The following MINAR1 variants were observed in gnomAD, a reference collection of about 807,000 sequenced individuals.
MINAR1 encodes the protein major intrinsically disordered Notch2-binding receptor 1.
MINAR1 carries 40 observed loss-of-function variants against 65.1 expected under a neutral mutation model. That is an observed-to-expected ratio of 0.61 (90% CI 0.48 to 0.80). MINAR1 has a LOEUF of 0.80. Ranked by LOEUF, MINAR1 falls within the 30% of genes least tolerant of loss-of-function variation. The probability of loss-of-function intolerance (pLI) is 0.00; values close to 1 mark genes in which losing one functional copy is unlikely to be tolerated. For missense variants in MINAR1, 1,128 were observed against 1,148.0 expected (o/e 0.98, Z 0.25); for synonymous variants, 482 against 449.1 (o/e 1.07, Z -0.93).
In MINAR1 at chr15:79,469,584, AT is replaced by A. The variant is rs1304101738; in HGVS notation, c.*1205del. ...GTCTATCTATCTATCTAAATACTTG[AT>A]TTTTATTTATTGTCTTCTCTGTTAA... On this transcript the variant is annotated 3_prime_UTR_variant, in exon 4 of 4. Coordinates refer to ENST00000305428, the MANE Select transcript of MINAR1 (RefSeq NM_015206.3). The A allele has an allele frequency of 6.6e-6, 1 of 152,366 alleles. No individual in the cohort carries two copies. Among genetic ancestry groups the A allele is most frequent in the African/African-American group, 2.4e-5 (1 of 41,334 alleles). The allele number at this position is 152,366 out of a possible 1,614,324, so 9.4% of individuals were successfully genotyped here.
At chr15:79,447,982 G>C (rs1335833770) in intron 1 of MINAR1, among the ~76,000 whole-genome samples, 2 of 152,054 alleles carry the variant, frequency 1.3e-5, no homozygotes, top group African/African-American at 4.8e-5. Flanking sequence ...ATCTACCTTA[G>C]AAGGACCATC....
chr15:79,425,426 T>C, the MINAR1 span: 1 of 152,300 alleles, frequency 6.6e-6, no homozygotes, highest in East Asian at 1.9e-4. Context: ...ATGCCCAAAA[T>C]ATATTGATTT....
intron 2 of MINAR1, among the ~76,000 whole-genome samples, chr15:79,462,528 CA>C (rs1895684305): frequency 6.6e-6 from 1 of 152,208 alleles, no homozygotes; most frequent in African/African-American, 2.4e-5. Flanking sequence ...AGGCTCCCAA[CA>C]TGTGCTTTCT....
intron 1 of MINAR1, among the ~76,000 whole-genome samples, chr15:79,453,087 T>TGC (rs1895291069): frequency 6.6e-6 from 1 of 151,966 alleles, no homozygotes; most frequent in Non-Finnish European, 1.5e-5. Context: ...CAGACTGTGA[T>TGC]GCATTATGCT....
chr15:79,453,433 C>T (rs957187747), intron 1 of MINAR1, among the ~76,000 whole-genome samples: 3 of 152,076 alleles, frequency 2.0e-5, no homozygotes, highest in East Asian at 1.9e-4. Flanking sequence ...TCCTCAGTTT[C>T]CTTATCTGTA....
In MINAR1 at chr15:79,458,191, T is replaced by C; in HGVS notation, c.2044T>C (p.Cys682Arg). The C allele has an allele frequency of 6.2e-7, 1 of 1,614,060 alleles. No individual in the cohort carries two copies. Among genetic ancestry groups the C allele is most frequent in the Non-Finnish European group, 8.5e-7 (1 of 1,180,028 alleles). Reference sequence around the variant, plus strand: ...CAAACTAGAGAACAACCCTGACTGGTGCTGCTCTGATGCTAGCGGGAGCAA... The same window carrying C: ...CAAACTAGAGAACAACCCTGACTGGCGCTGCTCTGATGCTAGCGGGAGCAA... ...GPKLENNPDW[C>R]CSDASGSNSE... The change falls in exon 2 of 4, where the codon TGC becomes CGC. Residue 682 changes from cysteine to arginine, a missense_variant. By Grantham distance (180) the Cys-to-Arg change is radical. Transcript: ENST00000305428.
chr15:79,435,027 C>A (rs1453714050), intron 1 of MINAR1, among the ~76,000 whole-genome samples: 1 of 152,194 alleles, frequency 6.6e-6, no homozygotes, highest in Non-Finnish European at 1.5e-5. Context: ...GTAATCCCAG[C>A]ACTTTAGGAG....
At chr15:79,435,768 G>C (rs578024272) in intron 1 of MINAR1, among the ~76,000 whole-genome samples, 1 of 152,220 alleles carries the variant, frequency 6.6e-6, no homozygotes, top group African/African-American at 2.4e-5. Flanking sequence ...TATCTCTAGT[G>C]CCTGGCACAG....
chr15:79,471,355 ATCTTCTT>A lies in MINAR1; in HGVS notation c.*2974_*2980del, dbSNP rs1482805582. On this transcript the variant is annotated 3_prime_UTR_variant, in exon 4 of 4. Coordinates refer to ENST00000305428, the MANE Select transcript of MINAR1 (RefSeq NM_015206.3). ...CAATGATTAAATTCATAATCATTTCATCTTCTTTCATAATCATTTCATCTTCTAATCT... is the reference window on the plus strand; with the variant it reads ...CAATGATTAAATTCATAATCATTTCATCATAATCATTTCATCTTCTAATCT... The A allele has an allele frequency of 1.3e-5, 2 of 152,634 alleles. No individual in the cohort carries two copies. Among genetic ancestry groups the A allele is most frequent in the African/African-American group, 4.8e-5 (2 of 41,442 alleles). The allele number at this position is 152,634 out of a possible 1,614,324, so 9.5% of individuals were successfully genotyped here.
chr15:79,447,590 G>A (rs1895059876), intron 1 of MINAR1, among the ~76,000 whole-genome samples: 1 of 152,132 alleles, frequency 6.6e-6, no homozygotes, highest in East Asian at 1.9e-4. Flanking sequence ...CCTTAAGGTG[G>A]ATTCTTTTCT....
At position 79,458,381 on chromosome 15, in the gene MINAR1, A is replaced by G. The variant is rs753245217; in HGVS notation, c.2234A>G (p.Asn745Ser). The change falls in exon 2 of 4, where the codon AAT (asparagine) becomes AGT (serine). Residue 745 changes from asparagine (N) to serine (S), a missense_variant. Transcript: ENST00000305428. Reference sequence around the variant, plus strand: ...ACTTATACCAACCGTGTGGGCCTCAATGAGGAGGAGATAAAAGACACAGGC... The same window carrying G: ...ACTTATACCAACCGTGTGGGCCTCAGTGAGGAGGAGATAAAAGACACAGGC... ...TITYTNRVGL[N>S]EEEIKDTGPG... is the part of the protein sequence containing the mutation. 26 of 1,614,214 alleles carry G rather than the reference A, an allele frequency of 1.6e-5. No homozygotes were observed. The highest frequency in any genetic ancestry group is 6.6e-5 in the South Asian group (6 of 91,082).
intron 2 of MINAR1, 119 bp from the exon 3 acceptor site, chr15:79,462,948 G>A: frequency 9.4e-7 from 1 of 1,068,004 alleles, no homozygotes; most frequent in Non-Finnish European, 1.3e-6. Flanking sequence ...TGATTTGGCT[G>A]GAAGTAACTG....
At position 79,469,363 on chromosome 15, in the gene MINAR1, A is replaced by C. The variant is rs1895989824; in HGVS notation, c.*979A>C. ...AAACCATGGTTTTCACGCACCACTA[A>C]TATCTGCCATTTTCAATGGCTTTAA... On this transcript the variant is annotated 3_prime_UTR_variant, in exon 4 of 4. Coordinates refer to ENST00000305428, the MANE Select transcript of MINAR1 (RefSeq NM_015206.3). 1 of 152,506 alleles carries C rather than the reference A, an allele frequency of 6.6e-6. No individual in the cohort carries two copies. Among genetic ancestry groups the C allele is most frequent in the Non-Finnish European group, 1.5e-5 (1 of 68,018 alleles). 9.4% of individuals were successfully genotyped at this position (152,506 alleles called of 1,614,324 possible).
In MINAR1 at chr15:79,457,027, C is replaced by G; in HGVS notation, c.880C>G (p.Pro294Ala). 1 of 1,613,904 alleles carries G rather than the reference C, an allele frequency of 6.2e-7. No individual in the cohort carries two copies. Among genetic ancestry groups the G allele is most frequent in the East Asian group, 2.2e-5 (1 of 44,882 alleles). ...CAGGGAACCCCAGAGTCGAAAGGAA[C>G]CCCACAAGCCACCCTTCTTCAACCA... is the stretch of plus-strand genomic sequence containing the variant. The part of the protein sequence containing the change: ...EHREPQSRKE[P>A]HKPPFFNHSF... Residue 294 changes from proline to alanine, a missense_variant, in exon 2 of 4, where the codon CCC becomes GCC. Physicochemically the swap from Pro to Ala is conservative, Grantham distance 27 (BLOSUM62 -1). Transcript: ENST00000305428.
upstream of MINAR1, among the ~76,000 whole-genome samples, chr15:79,432,176 G>A (rs1283560569): frequency 6.6e-6 from 1 of 152,006 alleles, no homozygotes; most frequent in Non-Finnish European, 1.5e-5. Flanking sequence ...GGGTGAGGCC[G>A]CGTCCCGGGG....
At chr15:79,417,263 G>A in the MINAR1 span, 1 of 152,226 alleles carries the variant, frequency 6.6e-6, no homozygotes, top group South Asian at 2.1e-4. Flanking sequence ...ACACAGTTTA[G>A]GAAGCTGTTA....
chr15:79,431,666 G>C (rs897309888), upstream of MINAR1, among the ~76,000 whole-genome samples: 3 of 152,228 alleles, frequency 2.0e-5, no homozygotes, highest in Non-Finnish European at 4.4e-5. Context: ...GAAGCCCCGA[G>C]TGCTCCCTGG....
At chr15:79,434,891 TGA>T (rs10573440) in intron 1 of MINAR1, among the ~76,000 whole-genome samples, 33,128 of 152,134 alleles carry the variant, frequency 0.22, 4,567 homozygotes, top group African/African-American at 0.39. Flanking sequence ...ATGTGTAAAA[TGA>T]GAGAGTATCA....
chr15:79,456,077 TTCTC>T lies in MINAR1; in HGVS notation c.-50-20_-50-17del. ...TTATAATCCTCTTTTCCTCCTCTCT[TTCTC>T]AATATTGCCACCACAGAACTGACCT... On this transcript the variant is annotated splice_polypyrimidine_tract_variant and intron_variant, in intron 1 of 3. Transcript: ENST00000305428. 3.4e-6 allele frequency: 5 copies of T among 1,481,704 alleles called. No homozygotes were observed. In the East Asian group the frequency reaches 6.9e-5, roughly 20 times the overall value. 91.8% of individuals were successfully genotyped at this position (1,481,704 alleles called of 1,614,324 possible).
Sources: allele counts gnomAD v4.1 joint callset (sites outside exome capture counted in the v4.1 genomes callset), GRCh38; gene constraint gnomAD v4.1.1; transcripts MANE v1.5; gene names NCBI Gene and HGNC (gene_info 2026-07-23, HGNC 2026-07-21).